The following DMXL1 variants were observed in gnomAD, a reference collection of about 807,000 sequenced individuals.
DMXL1 encodes the protein dmX-like protein 1.
A neutral mutation model predicts 319.2 loss-of-function variants in DMXL1; 99 were observed. That is an observed-to-expected ratio of 0.31 (90% CI 0.26 to 0.37). The LOEUF (loss-of-function observed/expected upper bound fraction) is 0.37, where lower values mean the gene tolerates loss of function less well. Ranked by LOEUF, DMXL1 falls within the 10% of genes least tolerant of loss-of-function variation. The pLI is 1.00. For synonymous variants in DMXL1, 1,385 were observed against 1,235.2 expected, an observed-to-expected ratio of 1.12 and a Z score of -2.54; for missense variants, 3,745 against 3,595.6, an observed-to-expected ratio of 1.04 and a Z score of -1.06.
chr5:119,216,169 C>A (rs1783664782), intron 34 of DMXL1, among the ~76,000 whole-genome samples: 2 of 144,736 alleles, frequency 1.4e-5, no homozygotes, highest in South Asian at 2.3e-4. Context: ...CATTTCAACT[C>A]TTTAATTGCC....
chr5:119,234,905 A>G (rs772961312), intron 39 of DMXL1, among the ~76,000 whole-genome samples: 1 of 152,114 alleles, frequency 6.6e-6, no homozygotes, highest in Non-Finnish European at 1.5e-5. Context: ...AAGACCTTCT[A>G]TAATGTGACT....
intron 34 of DMXL1, among the ~76,000 whole-genome samples, chr5:119,207,420 G>A (rs1781938945): frequency 1.3e-5 from 2 of 152,156 alleles, no homozygotes; most frequent in African/African-American, 4.8e-5. Flanking sequence ...TACATAGTAA[G>A]TACTCATGGT....
chr5:119,230,508 AG>A (rs1385136965), intron 38 of DMXL1, among the ~76,000 whole-genome samples: 2 of 152,268 alleles, frequency 1.3e-5, no homozygotes, highest in Non-Finnish European at 2.9e-5. Flanking sequence ...ACAAACATAC[AG>A]GCAGAAGCAG....
chr5:119,135,964 G>T (rs1765901753), intron 13 of DMXL1, among the ~76,000 whole-genome samples: 2 of 152,210 alleles, frequency 1.3e-5, no homozygotes, highest in South Asian at 4.1e-4. Flanking sequence ...ACAGGCAGAG[G>T]TTGGAATAGT....
chr5:119,100,925 G>A (rs982401218), intron 2 of DMXL1, among the ~76,000 whole-genome samples: 9 of 149,284 alleles, frequency 6.0e-5, no homozygotes, highest in South Asian at 4.4e-4. Context: ...GACTACAGGC[G>A]CCTGCCATCG....
Position 119,129,223 on chromosome 5 carries a change from T to C in DMXL1, c.1115T>C (p.Leu372Pro). The change falls in exon 10 of 44, where the codon CTT becomes CCT. Residue 372 changes from leucine (L) to proline (P), a missense_variant. Leu to Pro is a moderately conservative substitution (Grantham distance 98, BLOSUM62 -3). Coordinates refer to ENST00000539542, the MANE Select transcript of DMXL1 (RefSeq NM_001290321.3). The stretch of plus-strand genomic sequence containing the variant: ...TTTTCTCTTATAGACATTCCACTTC[T>C]TCCATCTATTACATCTCTGAGTCTA... Reference protein sequence around the residue: ...SINPATDIPLLPSITSLSLNE... With the variant: ...SINPATDIPLPPSITSLSLNE... 1 of 1,606,904 alleles carries C rather than the reference T, an allele frequency of 6.2e-7. No homozygotes were observed. Among genetic ancestry groups the C allele is most frequent in the Non-Finnish European group, 8.5e-7 (1 of 1,176,390 alleles).
chr5:119,215,315 T>C (rs1484546824), intron 34 of DMXL1, among the ~76,000 whole-genome samples: 2 of 152,020 alleles, frequency 1.3e-5, no homozygotes, highest in Non-Finnish European at 2.9e-5. Flanking sequence ...CTTTTATTTA[T>C]TTATTTTTTT....
chr5:119,146,324 GAT>G (rs1465398494), intron 15 of DMXL1, among the ~76,000 whole-genome samples: 1 of 151,860 alleles, frequency 6.6e-6, no homozygotes, highest in Non-Finnish European at 1.5e-5. Flanking sequence ...ATTTTAAAAA[GAT>G]ATGTTTATTT....
chr5:119,129,180 A>T (rs977367698), intron 9 of DMXL1, 31 bp from the exon 10 acceptor site: 62 of 1,427,196 alleles, frequency 4.3e-5, no homozygotes, highest in Non-Finnish European at 5.5e-5. Context: ...GAAGGTAAAA[A>T]TTTTAATTTT....
At chr5:119,235,157 A>G (rs980748544) in intron 39 of DMXL1, among the ~76,000 whole-genome samples, 1 of 152,170 alleles carries the variant, frequency 6.6e-6, no homozygotes, top group East Asian at 1.9e-4. Flanking sequence ...GATGAATTGG[A>G]TATTCAATTA....
Position 119,071,493 on chromosome 5 carries a change from G to A in DMXL1, c.-77G>A. The A allele has an allele frequency of 7.0e-7, 1 of 1,424,348 alleles. No homozygotes were observed. Among genetic ancestry groups the A allele is most frequent in the African/African-American group, 1.4e-5 (1 of 69,870 alleles). 88.2% of individuals were successfully genotyped at this position (1,424,348 alleles called of 1,614,324 possible). On this transcript the variant is annotated 5_prime_UTR_variant, in exon 1 of 44. Coordinates refer to ENST00000539542, the MANE Select transcript of DMXL1 (RefSeq NM_001290321.3). ...CCGAAGAGCGGCCGCCGCCCCTGAG[G>A]GAAGGAGGGAGGGAAGCAGCCGCTG...
chr5:119,157,958 A>C (rs1035635052), intron 19 of DMXL1, among the ~76,000 whole-genome samples: 28 of 152,326 alleles, frequency 1.8e-4, no homozygotes, highest in African/African-American at 6.3e-4. Context: ...TAATTTTTCC[A>C]ATCTGTGAAC....
intron 28 of DMXL1, among the ~76,000 whole-genome samples, chr5:119,183,307 C>CA (rs1257594535): frequency 6.6e-6 from 1 of 151,990 alleles, no homozygotes; most frequent in African/African-American, 2.4e-5. Context: ...AGCAAAACAG[C>CA]AAAATATCTT....
At position 119,164,641 on chromosome 5, in the gene DMXL1, C is replaced by A. The variant is rs1219477844; in HGVS notation, c.4837C>A (p.Arg1613=). ...LRAMGVGWWV[R]NTRILRKCIE... is the part of the protein sequence containing the mutation. The stretch of plus-strand genomic sequence containing the variant: ...AGCTATGGGTGTGGGGTGGTGGGTC[C>A]GGAATACCCGCATCTTACGCAAATG... Residue 1613 remains arginine, a synonymous_variant, in exon 20 of 44, where the codon CGG becomes AGG. Coordinates refer to ENST00000539542, the MANE Select transcript of DMXL1 (RefSeq NM_001290321.3). 6.2e-6 allele frequency: 10 copies of A among 1,609,178 alleles called. No homozygotes were observed. Among genetic ancestry groups the A allele is most frequent in the Middle Eastern group, 1.6e-4 (1 of 6,072 alleles).
At chr5:119,169,113 A>T (rs1036514545) in intron 23 of DMXL1, among the ~76,000 whole-genome samples, 2 of 151,976 alleles carry the variant, frequency 1.3e-5, no homozygotes, top group Non-Finnish European at 2.9e-5. Flanking sequence ...CATGTTGCCC[A>T]GGGTGGTCTT....
At chr5:119,129,103 C>T in intron 9 of DMXL1, 108 bp from the exon 10 acceptor site, 1 of 718,070 alleles carries the variant, frequency 1.4e-6, no homozygotes, top group East Asian at 2.8e-5. Context: ...AAGAGAAGGA[C>T]TTTCAGGCAA....
intron 19 of DMXL1, among the ~76,000 whole-genome samples, chr5:119,163,950 G>A (rs1772848794): frequency 6.6e-6 from 1 of 152,084 alleles, no homozygotes; most frequent in Non-Finnish European, 1.5e-5. Flanking sequence ...GACCTCAAGT[G>A]ATCCACCCAC....
In DMXL1 at chr5:119,171,019, T is replaced by C; in HGVS notation, c.6228T>C (p.Phe2076=). The C allele has an allele frequency of 1.2e-6, 2 of 1,613,916 alleles. No individual in the cohort carries two copies. Among genetic ancestry groups the C allele is most frequent in the Non-Finnish European group, 1.7e-6 (2 of 1,179,898 alleles). The change falls in exon 24 of 44, where the codon TTT becomes TTC. Residue 2076 remains phenylalanine, a synonymous_variant. Coordinates refer to ENST00000539542, the MANE Select transcript of DMXL1 (RefSeq NM_001290321.3). ...EVIALQRTCD[F]CSDAEELQSA... ...TAGCTCTTCAGAGGACTTGTGACTT[T>C]TGCTCAGATGCTGAAGAACTACAGT...
chr5:119,077,755 G>GTGTT lies in DMXL1; in HGVS notation c.87+6102_87+6103insTTGT, dbSNP rs1491122678. Among the ~76,000 whole-genome samples, 76 of 22,810 alleles carry GTGTT rather than the reference G, an allele frequency of 3.3e-3. 1 individual carries two copies. Among genetic ancestry groups the GTGTT allele is most frequent in the Admixed American group, 6.4e-3 (21 of 3,258 alleles). 15.0% of individuals were successfully genotyped at this position (22,810 alleles called of 152,430 possible). On this transcript the variant is annotated intron_variant, in intron 1 of 43. Transcript: ENST00000539542. The stretch of plus-strand genomic sequence containing the variant: ...GTACATATATACATTTATTTTTTAA[G>GTGTT]TGTGTGTGTGTGTGTGTGTGTGTGT...
Sources: allele counts gnomAD v4.1 joint callset (sites outside exome capture counted in the v4.1 genomes callset), GRCh38; gene constraint gnomAD v4.1.1; transcripts MANE v1.5; gene names NCBI Gene and HGNC (gene_info 2026-07-23, HGNC 2026-07-21).